Variants in KIAA1958 observed in about 807,000 individuals in gnomAD.
The protein encoded by KIAA1958 is KIAA1958, also known as uncharacterized protein KIAA1958.
In KIAA1958, 14 loss-of-function variants were observed where a neutral mutation model predicts 47.2. The observed-to-expected ratio is 0.30, with a 90% CI of 0.20 to 0.46. The LOEUF (loss-of-function observed/expected upper bound fraction) is 0.46, where lower values mean the gene tolerates loss of function less well. Ranked by LOEUF, KIAA1958 falls within the 20% of genes least tolerant of loss-of-function variation. The probability of loss-of-function intolerance (pLI) is 1.00; values close to 1 mark genes in which losing one functional copy is unlikely to be tolerated. For missense variants in KIAA1958, 803 were observed against 909.2 expected, an observed-to-expected ratio of 0.88 and a Z score of 1.50; for synonymous variants, 354 against 353.3, an observed-to-expected ratio of 1.00 and a Z score of -0.02.
chr9:112,643,993 C>T (rs538428708), intron 2 of KIAA1958, among the ~76,000 whole-genome samples: 2 of 152,158 alleles, frequency 1.3e-5, no homozygotes, highest in African/African-American at 4.8e-5. Context: ...GCCTGGCCAA[C>T]ATGACAAAAA....
chr9:112,590,412 C>T (rs190303554), intron 2 of KIAA1958, among the ~76,000 whole-genome samples: 2,160 of 147,838 alleles, frequency 0.015, 45 homozygotes, highest in Non-Finnish European at 0.016. Context: ...AGTGCAATGG[C>T]GCGATCTCCG....
At chr9:112,651,011 A>G (rs1837047464) in intron 3 of KIAA1958, among the ~76,000 whole-genome samples, 1 of 152,224 alleles carries the variant, frequency 6.6e-6, no homozygotes, top group South Asian at 2.1e-4. Flanking sequence ...ACACTTAAAA[A>G]CAGAGCATAA....
At chr9:112,569,070 G>T (rs1835485371) in intron 1 of KIAA1958, among the ~76,000 whole-genome samples, 2 of 151,392 alleles carry the variant, frequency 1.3e-5, no homozygotes, top group South Asian at 4.2e-4. Flanking sequence ...GTATTTTGAA[G>T]TGTTGCATCT....
chr9:112,504,610 C>G (rs913060008), intron 1 of KIAA1958, among the ~76,000 whole-genome samples: 2 of 152,100 alleles, frequency 1.3e-5, no homozygotes, highest in Non-Finnish European at 1.5e-5. Context: ...TGAGGTTATC[C>G]AGCACTGGAG....
intron 1 of KIAA1958, among the ~76,000 whole-genome samples, chr9:112,507,607 C>T (rs953802321): frequency 6.6e-6 from 1 of 152,124 alleles, no homozygotes; most frequent in Admixed American, 6.6e-5. Context: ...ACTTGGACTC[C>T]CAAAGTGCTG....
chr9:112,595,377 C>A (rs184973756), intron 2 of KIAA1958, among the ~76,000 whole-genome samples: 1 of 152,252 alleles, frequency 6.6e-6, no homozygotes, highest in East Asian at 1.9e-4. Flanking sequence ...AGAAATTAAG[C>A]TGGCCGGGTG....
chr9:112,634,223 C>T (rs1451448476), intron 2 of KIAA1958, among the ~76,000 whole-genome samples: 1 of 152,032 alleles, frequency 6.6e-6, no homozygotes, highest in Admixed American at 6.6e-5. Flanking sequence ...ATGCAAGGCC[C>T]ATTCAAATTT....
Position 112,574,982 on chromosome 9 carries a change from G to T in KIAA1958, c.902G>T (p.Gly301Val). Residue 301 changes from glycine (G) to valine (V), a missense_variant, in exon 2 of 4, where the codon GGC becomes GTC. Coordinates refer to ENST00000337530, the MANE Select transcript of KIAA1958 (RefSeq NM_133465.4). ...SPNRGPPGTH[G>V]TNQQVAMQMP... ...AACAGAGGACCCCCTGGTACACATG[G>T]CACCAACCAACAGGTGGCCATGCAA... 1.2e-6 allele frequency: 2 copies of T among 1,614,160 alleles called. No homozygotes were observed. The highest frequency in any genetic ancestry group is 8.5e-7 in the Non-Finnish European group (1 of 1,180,020).
chr9:112,565,662 T>C (rs1374647350), intron 1 of KIAA1958, among the ~76,000 whole-genome samples: 1 of 152,254 alleles, frequency 6.6e-6, no homozygotes, highest in African/African-American at 2.4e-5. Context: ...AAACTTACAA[T>C]ATATTGAAGT....
At chr9:112,536,922 C>A (rs1375554452) in intron 1 of KIAA1958, among the ~76,000 whole-genome samples, 3 of 151,734 alleles carry the variant, frequency 2.0e-5, no homozygotes, top group Non-Finnish European at 4.4e-5. Context: ...GGAGCAGGAA[C>A]AAATATCTCA....
intron 1 of KIAA1958, among the ~76,000 whole-genome samples, chr9:112,542,860 A>G (rs999551778): frequency 3.3e-5 from 5 of 152,236 alleles, no homozygotes; most frequent in African/African-American, 1.2e-4. Context: ...AAGCCACTGC[A>G]TGAGATTTAA....
intron 3 of KIAA1958, among the ~76,000 whole-genome samples, chr9:112,646,836 G>A (rs945743755): frequency 6.6e-6 from 1 of 152,222 alleles, no homozygotes; most frequent in South Asian, 2.1e-4. Flanking sequence ...GACATGTGGA[G>A]ATAGAACATA....
chr9:112,568,995 G>C (rs567290828), intron 1 of KIAA1958, among the ~76,000 whole-genome samples: 1 of 137,876 alleles, frequency 7.3e-6, no homozygotes, highest in East Asian at 2.1e-4. Flanking sequence ...GTGTTACAGG[G>C]ATATATTATG....
Position 112,574,217 on chromosome 9 carries a change from C to A in KIAA1958, c.137C>A (p.Ala46Glu). Residue 46 changes from alanine (A) to glutamate (E), a missense_variant, in exon 2 of 4, where the codon GCA becomes GAA. Transcript: ENST00000337530. ...GAAGGTTCCCATGGGAACCTGACAG[C>A]AATGTGGGGCTGTAGTGCTGGCCAT... ...LSEGSHGNLTAMWGCSAGHAY... is the reference protein window; with the variant it reads ...LSEGSHGNLTEMWGCSAGHAY... The A allele has an allele frequency of 6.2e-7, 1 of 1,614,136 alleles. No homozygotes were observed. Among genetic ancestry groups the A allele is most frequent in the Non-Finnish European group, 8.5e-7 (1 of 1,180,008 alleles).
At chr9:112,507,776 T>C (rs765381865) in intron 1 of KIAA1958, among the ~76,000 whole-genome samples, 15 of 151,976 alleles carry the variant, frequency 9.9e-5, no homozygotes, top group African/African-American at 3.4e-4. Flanking sequence ...CTCTCTTTCT[T>C]TCTTTCTTTC....
chr9:112,487,940 T>TGCGTGC (rs1554718552), intron 1 of KIAA1958, among the ~76,000 whole-genome samples: 1 of 86,326 alleles, frequency 1.2e-5, no homozygotes, highest in African/African-American at 6.0e-5. Context: ...GTATTTAGTG[T>TGCGTGC]GTGTGCGTGT....
intron 2 of KIAA1958, among the ~76,000 whole-genome samples, chr9:112,613,599 T>C (rs181547148): frequency 7.1e-4 from 107 of 150,722 alleles, no homozygotes; most frequent in African/African-American, 2.5e-3. Context: ...AACATTCATA[T>C]CTAGAATATG....
At chr9:112,510,644 T>C (rs1834311599) in intron 1 of KIAA1958, among the ~76,000 whole-genome samples, 1 of 152,198 alleles carries the variant, frequency 6.6e-6, no homozygotes. Flanking sequence ...TTCTGCTGCT[T>C]ATACCTCTCT....
intron 2 of KIAA1958, among the ~76,000 whole-genome samples, chr9:112,598,298 G>A (rs778688002): frequency 3.9e-5 from 6 of 152,186 alleles, no homozygotes; most frequent in Non-Finnish European, 7.3e-5. Context: ...TTGGCATGGA[G>A]GAAACCATGT....
Sources: allele counts gnomAD v4.1 joint callset (sites outside exome capture counted in the v4.1 genomes callset), GRCh38; gene constraint gnomAD v4.1.1; transcripts MANE v1.5; gene names NCBI Gene and HGNC (gene_info 2026-07-23, HGNC 2026-07-21).